Variants in ANKRD26 observed in about 807,000 individuals in gnomAD.
The protein encoded by ANKRD26 is ankyrin repeat domain-containing protein 26.
A neutral mutation model predicts 208.7 loss-of-function variants in ANKRD26; 141 were observed. The observed-to-expected ratio is 0.68, with a 90% confidence interval of 0.59 to 0.78. ANKRD26 has a LOEUF of 0.78. ANKRD26 is among the 30% of genes least tolerant of loss of function. ANKRD26 has a pLI of 0.00. For synonymous variants in ANKRD26, 636 were observed against 660.4 expected, an observed-to-expected ratio of 0.96 and a Z score of 0.57; for missense variants, 1,889 against 1,938.7, an observed-to-expected ratio of 0.97 and a Z score of 0.48.
downstream of ANKRD26, among the ~76,000 whole-genome samples, chr10:26,970,542 T>C (rs12573313): frequency 0.34 from 51,832 of 151,876 alleles, 14,042 homozygotes; most frequent in African/African-American, 0.72. Flanking sequence ...CTTCGTGAGG[T>C]CCCCCAGAAG....
chr10:27,042,402 A>G (rs1208554117), intron 20 of ANKRD26, among the ~76,000 whole-genome samples: 4 of 151,920 alleles, frequency 2.6e-5, no homozygotes, highest in Non-Finnish European at 5.9e-5. Flanking sequence ...AGATCACTTG[A>G]GGTCGGGAGT....
At chr10:26,989,440 A>G (rs74682689), downstream of ANKRD26, among the ~76,000 whole-genome samples, 3 of 152,208 alleles carry the variant, frequency 2.0e-5, no homozygotes, top group East Asian at 1.9e-4. Flanking sequence ...CTTTGATGAA[A>G]AAGACTTATG....
At chr10:27,061,997 G>C in intron 12 of ANKRD26, 1 of 985,216 alleles carries the variant, frequency 1.0e-6, no homozygotes, top group Non-Finnish European at 1.2e-6. Context: ...CTGTTTGAGT[G>C]TAAATGCAAT....
chr10:26,948,078 G>C, the ANKRD26 span, among the ~76,000 whole-genome samples: 1 of 152,142 alleles, frequency 6.6e-6, no homozygotes, highest in Non-Finnish European at 1.5e-5. Flanking sequence ...GTAGCTGGGA[G>C]TCCAGGCAGA....
At chr10:26,974,217 CT>C (rs35146611) in exon 6 of ANKRD26, among the ~76,000 whole-genome samples, 1 of 151,996 alleles carries the variant, frequency 6.6e-6, no homozygotes, top group Non-Finnish European at 1.5e-5. Context: ...TTACATGTTC[CT>C]TTTTTAACGC....
At chr10:27,048,193 A>C (rs2054525856) in intron 17 of ANKRD26, among the ~76,000 whole-genome samples, 1 of 152,222 alleles carries the variant, frequency 6.6e-6, no homozygotes, top group Admixed American at 6.5e-5. Context: ...CATGTACTAC[A>C]GATCTCTCTG....
chr10:27,030,329 T>C (rs11015463), intron 25 of ANKRD26: 716,388 of 936,668 alleles, frequency 0.76, 274,763 homozygotes, highest in East Asian at 0.99. Flanking sequence ...TCTCTCTGCT[T>C]TACTCAGTGG....
chr10:27,029,396 C>G (rs375722990), intron 25 of ANKRD26, 40 bp from the exon 26 acceptor site: 1 of 1,572,620 alleles, frequency 6.4e-7, no homozygotes, highest in East Asian at 2.2e-5. Context: ...TACTAATAAT[C>G]TAGTACACAT....
At chr10:27,095,525 G>A (rs189357769) in intron 1 of ANKRD26, among the ~76,000 whole-genome samples, 117 of 152,208 alleles carry the variant, frequency 7.7e-4, no homozygotes, top group East Asian at 4.2e-3. Context: ...AAAAGTAGCC[G>A]GACATGGTGG....
chr10:27,067,396 C>T (rs1266412589), intron 9 of ANKRD26, 110 bp from the exon 10 acceptor site: 3 of 1,277,492 alleles, frequency 2.3e-6, no homozygotes, highest in Admixed American at 2.5e-5. Flanking sequence ...TAAAGAAATA[C>T]CTGGTCATCC....
At chr10:27,041,732 C>T (rs67689270) in intron 20 of ANKRD26, among the ~76,000 whole-genome samples, 14,168 of 151,462 alleles carry the variant, frequency 0.094, 788 homozygotes, top group East Asian at 0.28. Flanking sequence ...CAATGAACTA[C>T]GGAAAAAAAT....
At chr10:27,028,416 G>A (rs879366327) in intron 27 of ANKRD26, among the ~76,000 whole-genome samples, 16 of 151,774 alleles carry the variant, frequency 1.1e-4, no homozygotes, top group Non-Finnish European at 2.2e-4. Flanking sequence ...CTAACACGGT[G>A]AAACCCTGTC....
At chr10:27,039,001 G>A (rs979918117) in intron 21 of ANKRD26, among the ~76,000 whole-genome samples, 8 of 152,070 alleles carry the variant, frequency 5.3e-5, no homozygotes, top group African/African-American at 1.9e-4. Flanking sequence ...ATCTCTTTTG[G>A]AACAAAACAG....
the ANKRD26 span, among the ~76,000 whole-genome samples, chr10:26,949,414 ACTC>A: frequency 4.3e-5 from 6 of 140,250 alleles, no homozygotes; most frequent in Non-Finnish European, 9.6e-5. Flanking sequence ...ATTAGTAGTA[ACTC>A]CTAATGTATC....
intron 25 of ANKRD26, 69 bp from the exon 26 acceptor site, chr10:27,029,425 T>C: frequency 6.8e-7 from 1 of 1,460,502 alleles, no homozygotes; most frequent in East Asian, 2.3e-5. Context: ...TACCTGTTTT[T>C]GTAACTAAAC....
chr10:27,005,402 G>A lies in ANKRD26; in HGVS notation c.*188C>T. 7.5e-7 allele frequency: 1 copy of A among 1,333,792 alleles called. No homozygotes were observed. Among genetic ancestry groups the A allele is most frequent in the Non-Finnish European group, 9.6e-7 (1 of 1,043,002 alleles). 82.6% of individuals were successfully genotyped at this position (1,333,792 alleles called of 1,614,324 possible). ...TGAGTATGTAAAACTCAATATTCCT[G>A]GTTTTCATTGGCAAAATCCACTTAA... On this transcript the variant is annotated 3_prime_UTR_variant, in exon 34 of 34. Transcript: ENST00000376087.
downstream of ANKRD26, among the ~76,000 whole-genome samples, chr10:26,988,557 G>A (rs547653665): frequency 4.6e-5 from 7 of 152,090 alleles, no homozygotes; most frequent in Non-Finnish European, 8.8e-5. Flanking sequence ...TACAGTCCAC[G>A]TATATCATGT....
intron 5 of ANKRD26, among the ~76,000 whole-genome samples, chr10:26,992,439 C>T (rs935743471): frequency 5.5e-5 from 8 of 145,448 alleles, no homozygotes; most frequent in East Asian, 4.2e-4. Flanking sequence ...AAATATGATA[C>T]GTAAAAAAGA....
downstream of ANKRD26, among the ~76,000 whole-genome samples, chr10:26,987,864 G>C (rs1356957028): frequency 6.6e-6 from 1 of 152,174 alleles, no homozygotes; most frequent in East Asian, 1.9e-4. Flanking sequence ...CTACAGAATG[G>C]AAGTGCCTGA....
Sources: allele counts gnomAD v4.1 joint callset (sites outside exome capture counted in the v4.1 genomes callset), GRCh38; gene constraint gnomAD v4.1.1; transcripts MANE v1.5; gene names NCBI Gene and HGNC (gene_info 2026-07-23, HGNC 2026-07-21).